The following CYP4F11 variants were observed in gnomAD, a reference collection of about 807,000 sequenced individuals.
CYP4F11 encodes cytochrome P450 4F11.
Under a neutral mutation model 62.2 loss-of-function variants are expected in CYP4F11, and 79 were observed. The observed-to-expected ratio is 1.27, with a 90% CI of 1.06 to 1.53. The LOEUF is 1.53. Among genes scored for constraint, CYP4F11 ranks in the 40% most tolerant of loss-of-function variants. The pLI, the probability that CYP4F11 is intolerant of heterozygous loss-of-function variation, is 0.00. For synonymous variants in CYP4F11, 290 were observed against 263.7 expected, an observed-to-expected ratio of 1.10 and a Z score of -0.97; for missense variants, 777 against 680.5, an observed-to-expected ratio of 1.14 and a Z score of -1.58.
At chr19:15,929,037 A>AT (rs995101480) in intron 2 of CYP4F11, among the ~76,000 whole-genome samples, 1 of 151,748 alleles carries the variant, frequency 6.6e-6, no homozygotes, top group African/African-American at 2.4e-5. Context: ...CTTTTTACTC[A>AT]TTTTTCCAGC....
intron 1 of CYP4F11, 108 bp from the exon 2 acceptor site, chr19:15,929,709 G>A: frequency 7.9e-7 from 1 of 1,266,334 alleles, no homozygotes. Flanking sequence ...GATAAAACAT[G>A]CTGGTAAAAC....
chr19:15,928,262 A>G lies in CYP4F11; in HGVS notation c.344-779T>C, dbSNP rs1257386421. ...CATGCCCCAAATGTCCTCAGCCACA[A>G]CTGAGCCCCACACATGATGACTTCT... On this transcript the variant is annotated intron_variant, in intron 2 of 11. Transcript: ENST00000402119. Among the ~76,000 whole-genome samples, 7 of 152,196 alleles carry G rather than the reference A, an allele frequency of 4.6e-5. No individual in the cohort carries two copies. In the East Asian group the frequency reaches 1.2e-3, roughly 25 times the overall value.
intron 1 of CYP4F11, among the ~76,000 whole-genome samples, chr19:15,930,922 G>C (rs541195362): frequency 2.0e-5 from 3 of 152,226 alleles, no homozygotes; most frequent in African/African-American, 7.2e-5. Flanking sequence ...CTGCAGGCCA[G>C]GCTCTGTGCT....
chr19:15,921,010 C>T (rs1466867339), intron 8 of CYP4F11, among the ~76,000 whole-genome samples: 1 of 151,544 alleles, frequency 6.6e-6, no homozygotes, highest in Non-Finnish European at 1.5e-5. Flanking sequence ...TCTCTTCTCT[C>T]TCTCTGTTTC....
At chr19:15,931,624 GGAGAGGAATGAGTGAGCGA>G (rs2089723547) in intron 1 of CYP4F11, among the ~76,000 whole-genome samples, 11 of 77,032 alleles carry the variant, frequency 1.4e-4, no homozygotes, top group East Asian at 3.7e-4. Flanking sequence ...GAGTGAGCGA[GGAGAGGAATGAGTGAGCGA>G]GGAGAGGAAT....
At position 15,913,574 on chromosome 19, in the gene CYP4F11, G is replaced by T; in HGVS notation, c.*158C>A. On this transcript the variant is annotated 3_prime_UTR_variant, in exon 12 of 12. Coordinates refer to ENST00000402119, the MANE Select transcript of CYP4F11 (RefSeq NM_021187.4). ...GCCAGAGAGGCCGTCAGGGTTTTGG[G>T]TTCAGAGACGTCACCCTGCCTCCAC... 1.1e-6 allele frequency: 1 copy of T among 922,592 alleles called. No homozygotes were observed. The highest frequency in any genetic ancestry group is 1.6e-6 in the Non-Finnish European group (1 of 614,610). 57.2% of individuals were successfully genotyped at this position (922,592 alleles called of 1,614,324 possible).
chr19:15,914,565 A>C, intron 10 of CYP4F11, 37 bp downstream of exon 10: 1 of 1,609,342 alleles, frequency 6.2e-7, no homozygotes, highest in South Asian at 1.1e-5. Flanking sequence ...GAACCTTGGA[A>C]TGGACTCCAA....
intron 4 of CYP4F11, 130 bp from the exon 5 acceptor site, chr19:15,925,012 A>T: frequency 9.4e-7 from 1 of 1,065,788 alleles, no homozygotes; most frequent in Non-Finnish European, 1.3e-6. Context: ...ATCCCCAGGA[A>T]GGACCAGCCT....
At chr19:15,920,695 C>G (rs1419024660) in intron 8 of CYP4F11, among the ~76,000 whole-genome samples, 1 of 152,100 alleles carries the variant, frequency 6.6e-6, no homozygotes, top group African/African-American at 2.4e-5. Context: ...TACAACTGGT[C>G]CTCTCCAGTA....
At chr19:15,923,238 C>CTCTCTCT (rs2089642090) in intron 6 of CYP4F11, among the ~76,000 whole-genome samples, 4 of 110,458 alleles carry the variant, frequency 3.6e-5, no homozygotes, top group Admixed American at 9.3e-5. Context: ...AAGCAAACAT[C>CTCTCTCT]CTCTCTCTCT....
At chr19:15,931,335 T>C (rs1210253828) in intron 1 of CYP4F11, among the ~76,000 whole-genome samples, 1 of 151,690 alleles carries the variant, frequency 6.6e-6, no homozygotes, top group Non-Finnish European at 1.5e-5. Context: ...CCCTGGACAG[T>C]AGACTCAGGA....
intron 4 of CYP4F11, among the ~76,000 whole-genome samples, chr19:15,925,257 T>C (rs764527077): frequency 3.3e-5 from 5 of 152,140 alleles, no homozygotes; most frequent in Non-Finnish European, 5.9e-5. Context: ...ACTTACTATC[T>C]GGTTGAACTT....
chr19:15,929,943 C>T (rs2089698449), intron 1 of CYP4F11, among the ~76,000 whole-genome samples: 1 of 152,198 alleles, frequency 6.6e-6, no homozygotes, highest in Admixed American at 6.5e-5. Flanking sequence ...GGGACTCAGA[C>T]TGAATTTACA....
At chr19:15,920,251 T>C (rs1285056891) in intron 8 of CYP4F11, among the ~76,000 whole-genome samples, 1 of 152,198 alleles carries the variant, frequency 6.6e-6, no homozygotes, top group African/African-American at 2.4e-5. Flanking sequence ...CTAAAACTCA[T>C]ATTTTGAGAA....
intron 2 of CYP4F11, 68 bp from the exon 3 acceptor site, chr19:15,927,551 T>G: frequency 6.2e-7 from 1 of 1,602,902 alleles, no homozygotes; most frequent in Non-Finnish European, 8.5e-7. Context: ...TATGGAGGAA[T>G]GCTCCCAGCC....
chr19:15,926,413 C>T (rs7248576), intron 4 of CYP4F11, among the ~76,000 whole-genome samples: 82,514 of 152,044 alleles, frequency 0.54, 22,953 homozygotes, highest in Non-Finnish European at 0.6. Context: ...AGCTTATCAG[C>T]TTGCAATTAA....
chr19:15,922,080 C>T lies in CYP4F11; in HGVS notation c.1072G>A (p.Val358Met), dbSNP rs1568482980. 3.1e-5 allele frequency: 50 copies of T among 1,614,028 alleles called. No homozygotes were observed. The highest frequency in any genetic ancestry group is 4.2e-5 in the Non-Finnish European group (49 of 1,179,936). ...TCACGGTCCTTCAGAAGCTCTTGCA[C>T]TTCTTGCCGGCACTGTTCCTGGTAT... is the stretch of plus-strand genomic sequence containing the variant. Reference protein sequence around the residue: ...PEYQEQCRQEVQELLKDREPI... With the variant: ...PEYQEQCRQEMQELLKDREPI... Residue 358 changes from valine to methionine, a missense_variant, in exon 8 of 12, where the codon GTG becomes ATG. Val to Met is a conservative substitution (Grantham distance 21). Coordinates refer to ENST00000402119, the MANE Select transcript of CYP4F11 (RefSeq NM_021187.4).
At chr19:15,930,959 A>G (rs919719104) in intron 1 of CYP4F11, among the ~76,000 whole-genome samples, 1 of 152,174 alleles carries the variant, frequency 6.6e-6, no homozygotes, top group African/African-American at 2.4e-5. Context: ...CCTCCACTGC[A>G]CCGATGGACA....
chr19:15,930,192 C>T (rs890561732), intron 1 of CYP4F11, among the ~76,000 whole-genome samples: 11 of 152,184 alleles, frequency 7.2e-5, no homozygotes, highest in Admixed American at 6.5e-4. Context: ...CTGCAGCCTC[C>T]AGATGTGGTG....
Sources: allele counts gnomAD v4.1 joint callset (sites outside exome capture counted in the v4.1 genomes callset), GRCh38; gene constraint gnomAD v4.1.1; transcripts MANE v1.5; gene names NCBI Gene and HGNC (gene_info 2026-07-23, HGNC 2026-07-21).